AGBL1: variants seen among roughly 807,000 people sequenced by gnomAD.
AGBL1 encodes AGBL carboxypeptidase 1.
A neutral mutation model predicts 118.9 loss-of-function variants in AGBL1; 130 were observed. The observed-to-expected ratio is 1.09, with a 90% confidence interval of 0.95 to 1.26. The LOEUF (loss-of-function observed/expected upper bound fraction) is 1.26. Among genes scored for constraint, AGBL1 ranks in the 50% most tolerant of loss-of-function variants. The probability of loss-of-function intolerance (pLI) is 0.00; values close to 1 mark genes in which losing one functional copy is unlikely to be tolerated. For synonymous variants in AGBL1, 555 were observed against 478.9 expected, an observed-to-expected ratio of 1.16 and a Z score of -2.08; for missense variants, 1,584 against 1,298.1, an observed-to-expected ratio of 1.22 and a Z score of -3.38.
intron 17 of AGBL1, among the ~76,000 whole-genome samples, chr15:86,304,685 T>G (rs1431901998): frequency 6.6e-6 from 1 of 152,188 alleles, no homozygotes; most frequent in Non-Finnish European, 1.5e-5. Context: ...GGTTATTTCT[T>G]GGGTCCCCAA....
intron 17 of AGBL1, among the ~76,000 whole-genome samples, chr15:86,333,577 G>C (rs56014193): frequency 0.69 from 105,637 of 152,048 alleles, 37,492 homozygotes; most frequent in Non-Finnish European, 0.78. Context: ...GAACCAGATG[G>C]ATTCACAGCA....
chr15:86,176,481 C>T (rs1005160267), intron 5 of AGBL1, among the ~76,000 whole-genome samples: 5 of 152,194 alleles, frequency 3.3e-5, no homozygotes, highest in Non-Finnish European at 7.3e-5. Context: ...GCTTCAGCTC[C>T]CTTTGTCCTG....
chr15:86,642,274 C>G (rs1349218093), intron 21 of AGBL1, among the ~76,000 whole-genome samples: 1 of 152,074 alleles, frequency 6.6e-6, no homozygotes, highest in Non-Finnish European at 1.5e-5. Context: ...TTTAGCCTTC[C>G]TAAAGTGAAA....
At chr15:86,142,203 C>G in intron 2 of AGBL1, 136 bp downstream of exon 2, 1 of 810,606 alleles carries the variant, frequency 1.2e-6, no homozygotes. Flanking sequence ...ACTAGCCCAT[C>G]TTTTTTCTCT....
At chr15:86,577,060 C>T (rs1168074529) in intron 21 of AGBL1, among the ~76,000 whole-genome samples, 1 of 152,140 alleles carries the variant, frequency 6.6e-6, no homozygotes, top group East Asian at 1.9e-4. Context: ...AACTGGGTAA[C>T]AGGCAGGGGT....
chr15:86,144,075 G>C (rs2077000739), intron 3 of AGBL1, among the ~76,000 whole-genome samples: 1 of 152,138 alleles, frequency 6.6e-6, no homozygotes, highest in South Asian at 2.1e-4. Flanking sequence ...AACAAACATG[G>C]GCTACATGGG....
At chr15:86,756,832 A>G (rs1396322405) in intron 22 of AGBL1, among the ~76,000 whole-genome samples, 1 of 152,108 alleles carries the variant, frequency 6.6e-6, no homozygotes, top group Non-Finnish European at 1.5e-5. Flanking sequence ...GTTTGTCAAT[A>G]GGATAATTGG....
chr15:86,713,578 A>T (rs1339049378), intron 22 of AGBL1, among the ~76,000 whole-genome samples: 2 of 152,174 alleles, frequency 1.3e-5, no homozygotes, highest in East Asian at 3.8e-4. Flanking sequence ...TGAATGAGCA[A>T]GAGGGAAAAG....
At chr15:86,296,328 A>C (rs902400383) in intron 17 of AGBL1, 3 of 152,134 alleles carry the variant, frequency 2.0e-5, no homozygotes, top group African/African-American at 7.2e-5. Context: ...AGCTTAATTT[A>C]TCCCCAGAAG....
At chr15:86,665,420 C>A (rs150415492) in intron 21 of AGBL1, among the ~76,000 whole-genome samples, 2 of 152,022 alleles carry the variant, frequency 1.3e-5, no homozygotes, top group African/African-American at 4.8e-5. Flanking sequence ...TTCCAGGAGA[C>A]GATTATGATT....
intron 22 of AGBL1, among the ~76,000 whole-genome samples, chr15:86,818,173 GC>G (rs1445585824): frequency 2.0e-5 from 3 of 152,118 alleles, no homozygotes; most frequent in African/African-American, 7.2e-5. Context: ...TTGCCTTCTG[GC>G]CTCCAGAGCT....
chr15:86,817,269 G>A (rs1596510921), intron 22 of AGBL1, among the ~76,000 whole-genome samples: 1 of 137,532 alleles, frequency 7.3e-6, no homozygotes, highest in African/African-American at 2.7e-5. Context: ...TCTAGCCTGG[G>A]ATACAAGAAC....
At chr15:87,009,278 A>T (rs912556239) in intron 24 of AGBL1, among the ~76,000 whole-genome samples, 1 of 152,182 alleles carries the variant, frequency 6.6e-6, no homozygotes, top group African/African-American at 2.4e-5. Flanking sequence ...AAAGGGGCCA[A>T]TGTACAGCTC....
chr15:86,233,112 AG>A (rs2078482922), intron 6 of AGBL1, among the ~76,000 whole-genome samples: 1 of 152,214 alleles, frequency 6.6e-6, no homozygotes, highest in Non-Finnish European at 1.5e-5. Context: ...GTAAACGAAG[AG>A]CTAAAATTTG....
intron 22 of AGBL1, among the ~76,000 whole-genome samples, chr15:86,741,406 A>AAAAAAAAAAAAAAAAAAAAAAAAAT: frequency 8.0e-6 from 1 of 124,918 alleles, no homozygotes; most frequent in Non-Finnish European, 1.8e-5. Flanking sequence ...AAAAAAAAAA[A>AAAAAAAAAAAAAAAAAAAAAAAAAT]AAAAAAAAAA....
chr15:86,660,476 G>GTA (rs2085521438), intron 21 of AGBL1, among the ~76,000 whole-genome samples: 1 of 152,092 alleles, frequency 6.6e-6, no homozygotes, highest in South Asian at 2.1e-4. Flanking sequence ...TTTGGTAGGG[G>GTA]ACGTTTGCTC....
At chr15:86,593,210 T>C (rs541304055) in intron 21 of AGBL1, among the ~76,000 whole-genome samples, 1 of 152,320 alleles carries the variant, frequency 6.6e-6, no homozygotes, top group East Asian at 1.9e-4. Context: ...ACTTTTTTAG[T>C]TCTTGGCACC....
chr15:86,272,110 A>G (rs529980328), intron 15 of AGBL1, among the ~76,000 whole-genome samples: 112 of 152,300 alleles, frequency 7.4e-4, no homozygotes, highest in Non-Finnish European at 1.4e-3. Flanking sequence ...TTAGTTTTCC[A>G]AAGTACAGGA....
downstream of AGBL1, among the ~76,000 whole-genome samples, chr15:86,919,573 GACACACAC>G (rs376501612): frequency 4.3e-4 from 56 of 128,824 alleles, 1 homozygote; most frequent in African/African-American, 7.3e-4. Context: ...TCCCTGTTGA[GACACACAC>G]ACACACACAC....
Sources: gnomAD v4.1 joint callset for allele counts (sites outside exome capture counted in the v4.1 genomes callset) on GRCh38, gnomAD v4.1.1 for gene constraint, MANE v1.5 for transcripts, NCBI Gene and HGNC (gene_info 2026-07-23, HGNC 2026-07-21) for gene names.